DOCK10: variants seen among roughly 807,000 people sequenced by gnomAD.
The protein encoded by DOCK10 is dedicator of cytokinesis 10.
A neutral mutation model predicts 280.1 loss-of-function variants in DOCK10; 145 were observed. That is an observed-to-expected ratio of 0.52 (90% CI 0.45 to 0.59). The LOEUF (loss-of-function observed/expected upper bound fraction) is 0.59, where lower values mean the gene tolerates loss of function less well. Among genes scored for constraint, DOCK10 ranks in the 20% least tolerant of loss-of-function variants. The pLI, the probability that DOCK10 is intolerant of heterozygous loss-of-function variation, is 0.00. For synonymous variants in DOCK10, 915 were observed against 942.2 expected, an observed-to-expected ratio of 0.97 and a Z score of 0.53; for missense variants, 2,368 against 2,651.7, an observed-to-expected ratio of 0.89 and a Z score of 2.35.
chr2:224,870,740 C>T (rs1186392997), intron 11 of DOCK10, among the ~76,000 whole-genome samples: 1 of 151,274 alleles, frequency 6.6e-6, no homozygotes, highest in Non-Finnish European at 1.5e-5. Flanking sequence ...TTTTTAGATC[C>T]CGCCCCTCTC....
chr2:224,817,690 C>T (rs1694221512), intron 29 of DOCK10, among the ~76,000 whole-genome samples: 1 of 152,012 alleles, frequency 6.6e-6, no homozygotes, highest in Admixed American at 6.6e-5. Context: ...AAATTTCATG[C>T]ATGACAGGAG....
chr2:224,946,795 G>C, intron 1 of DOCK10: 2 of 1,378,540 alleles, frequency 1.5e-6, no homozygotes, highest in Non-Finnish European at 2.0e-6. Flanking sequence ...ATTTTTGAAA[G>C]AAAGGATTGA....
At chr2:224,825,371 A>G (rs1446944733) in intron 27 of DOCK10, among the ~76,000 whole-genome samples, 2 of 152,248 alleles carry the variant, frequency 1.3e-5, no homozygotes, top group Non-Finnish European at 2.9e-5. Flanking sequence ...TTTAAAATTT[A>G]TTGTTGAAAT....
At position 224,864,883 on chromosome 2, in the gene DOCK10, G is replaced by T; in HGVS notation, c.1462C>A (p.Leu488Ile). ...PHIKGLPEEW[L>I]KFPKQAVFSV... ...AGTGCCACCTGCTTTGGAAATTTTA[G>T]CCATTCCTCTGGAAGTCCCTTGATG... Residue 488 changes from leucine to isoleucine, a missense_variant, in exon 12 of 56, where the codon CTA becomes ATA. By Grantham distance (5) the Leu-to-Ile change is conservative (BLOSUM62 2). This residue lies in a region of DOCK10 where 1,209 missense variants were observed against 1,250.9 expected (regional missense o/e 0.97). Coordinates refer to ENST00000258390, the MANE Select transcript of DOCK10 (RefSeq NM_014689.3). The T allele has an allele frequency of 6.2e-7, 1 of 1,613,922 alleles. No homozygotes were observed. The highest frequency in any genetic ancestry group is 1.1e-5 in the South Asian group (1 of 91,076).
chr2:224,998,599 C>T (rs1396379873), intron 1 of DOCK10, among the ~76,000 whole-genome samples: 1 of 152,138 alleles, frequency 6.6e-6, no homozygotes, highest in Non-Finnish European at 1.5e-5. Context: ...AAAATAACTC[C>T]CCCACAACAC....
chr2:224,948,927 C>T (rs1049741307), intron 1 of DOCK10, among the ~76,000 whole-genome samples: 3 of 152,192 alleles, frequency 2.0e-5, no homozygotes, highest in Non-Finnish European at 4.4e-5. Context: ...CCTCTTTAGG[C>T]ACCACAGTTC....
At chr2:224,955,991 C>T (rs1173071340) in intron 1 of DOCK10, among the ~76,000 whole-genome samples, 1 of 152,220 alleles carries the variant, frequency 6.6e-6, no homozygotes, top group Non-Finnish European at 1.5e-5. Flanking sequence ...AGAATTAGAA[C>T]AGACTATACA....
chr2:224,916,643 C>T lies in DOCK10; in HGVS notation c.333+52G>A, dbSNP rs1190764519. ...TAATAGTAAATTGCATTGAGAATCC[C>T]CTGGGAAAAAGCAAAAGCCTTAAAA... On this transcript the variant is annotated intron_variant, in intron 3 of 55. Coordinates refer to ENST00000258390, the MANE Select transcript of DOCK10 (RefSeq NM_014689.3). 3.8e-6 allele frequency: 5 copies of T among 1,316,100 alleles called. No individual in the cohort carries two copies. In the South Asian group the frequency reaches 6.5e-5, roughly 17 times the overall value. The allele number at this position is 1,316,100 out of a possible 1,614,324, so 81.5% of individuals were successfully genotyped here.
chr2:224,784,450 CTG>C (rs1470107585), intron 50 of DOCK10, among the ~76,000 whole-genome samples: 1 of 152,324 alleles, frequency 6.6e-6, no homozygotes, highest in African/African-American at 2.4e-5. Context: ...ATACTTATCT[CTG>C]TGTGTGTTTG....
chr2:224,922,027 G>A (rs1042464107), intron 2 of DOCK10, among the ~76,000 whole-genome samples: 7 of 151,422 alleles, frequency 4.6e-5, no homozygotes, highest in African/African-American at 1.2e-4. Flanking sequence ...GCTGAGGCAG[G>A]AGAATCGCTT....
chr2:224,780,738 A>C (rs1453656469), intron 50 of DOCK10, among the ~76,000 whole-genome samples: 2 of 152,010 alleles, frequency 1.3e-5, no homozygotes, highest in Non-Finnish European at 2.9e-5. Flanking sequence ...CCGTCTCTCT[A>C]AAAATACAAA....
intron 41 of DOCK10, among the ~76,000 whole-genome samples, chr2:224,799,195 A>G (rs552518951): frequency 6.6e-6 from 1 of 152,310 alleles, no homozygotes; most frequent in African/African-American, 2.4e-5. Context: ...TCCCTAGGCA[A>G]CCACTGATCT....
chr2:224,824,212 C>G (rs1397494089), intron 27 of DOCK10, among the ~76,000 whole-genome samples: 1 of 152,092 alleles, frequency 6.6e-6, no homozygotes. Flanking sequence ...AGTTTTAACT[C>G]CCTGGTCCCA....
At chr2:224,810,584 T>C (rs58777879) in intron 31 of DOCK10, among the ~76,000 whole-genome samples, 39,091 of 150,494 alleles carry the variant, frequency 0.26, 8,218 homozygotes, top group African/African-American at 0.59. Flanking sequence ...GCTGCACCCA[T>C]TAACTCGTCA....
At chr2:224,863,356 C>T (rs1239235765) in intron 13 of DOCK10, among the ~76,000 whole-genome samples, 1 of 152,200 alleles carries the variant, frequency 6.6e-6, no homozygotes, top group Non-Finnish European at 1.5e-5. Flanking sequence ...TAAACTCCTT[C>T]CTAAATTGTC....
chr2:224,824,233 C>A (rs934250506), intron 27 of DOCK10, among the ~76,000 whole-genome samples: 3 of 152,074 alleles, frequency 2.0e-5, no homozygotes, highest in Admixed American at 1.3e-4. Context: ...GTATATGCCA[C>A]AGTTAAGAGA....
chr2:224,805,344 G>A lies in DOCK10; in HGVS notation c.3937-24C>T, dbSNP rs1175292077. 6.2e-7 allele frequency: 1 copy of A among 1,612,540 alleles called. No homozygotes were observed. The highest frequency in any genetic ancestry group is 1.3e-5 in the African/African-American group (1 of 74,822). On this transcript the variant is annotated intron_variant, in intron 35 of 55. Coordinates refer to ENST00000258390, the MANE Select transcript of DOCK10 (RefSeq NM_014689.3). The surrounding 1 kb of genome is among the most constrained non-coding windows in gnomAD (Gnocchi z 4.3). ...ATCTGGGAATTCAAGAACCAATCAG[G>A]ATTGAGTGAGAGTGAGTGACCTCTG...
At chr2:224,838,858 G>T (rs1010129826) in intron 24 of DOCK10, among the ~76,000 whole-genome samples, 2 of 152,110 alleles carry the variant, frequency 1.3e-5, no homozygotes, top group African/African-American at 4.8e-5. Context: ...GATGTTGGAA[G>T]AATTCAGTAT....
At chr2:225,039,708 C>CTT (rs2106149181) in intron 1 of DOCK10, among the ~76,000 whole-genome samples, 1 of 142,284 alleles carries the variant, frequency 7.0e-6, no homozygotes, top group East Asian at 2.0e-4. Flanking sequence ...CTCTCTCTCT[C>CTT]TCTCTGTATA....
Sources: gnomAD v4.1 joint callset for allele counts (sites outside exome capture counted in the v4.1 genomes callset) on GRCh38, gnomAD v4.1.1 for gene constraint, gnomAD v4.1.1 regional missense constraint, Gnocchi (gnomAD v3.1) non-coding constraint, MANE v1.5 for transcripts, NCBI Gene and HGNC (gene_info 2026-07-23, HGNC 2026-07-21) for gene names.